ZNF541: variants seen among roughly 807,000 people sequenced by gnomAD.
The protein encoded by ZNF541 is zinc finger protein 541.
ZNF541 carries 23 observed loss-of-function variants against 123.5 expected under a neutral mutation model. The observed-to-expected ratio is 0.19, with a 90% CI of 0.13 to 0.26. ZNF541 has a LOEUF of 0.26. Ranked by LOEUF, ZNF541 falls within the 10% of genes least tolerant of loss-of-function variation. The probability of loss-of-function intolerance (pLI) is 1.00; values close to 1 mark genes in which losing one functional copy is unlikely to be tolerated. For synonymous variants in ZNF541, 751 were observed against 754.5 expected (o/e 1.00, Z 0.08); for missense variants, 1,612 against 1,789.9 (o/e 0.90, Z 1.79).
At chr19:47,530,193 G>T in intron 12 of ZNF541, among the ~76,000 whole-genome samples, 1 of 148,408 alleles carries the variant, frequency 6.7e-6, no homozygotes, top group African/African-American at 2.5e-5. Context: ...TTTTGAGACA[G>T]AGTCTTGCTC....
At chr19:47,535,610 G>C (rs973926251) in intron 9 of ZNF541, among the ~76,000 whole-genome samples, 1 of 152,140 alleles carries the variant, frequency 6.6e-6, no homozygotes, top group African/African-American at 2.4e-5. Context: ...CTACCCAAGA[G>C]AGCTGAGAAC....
chr19:47,549,116 A>G, intron 4 of ZNF541, 129 bp downstream of exon 4: 1 of 1,327,974 alleles, frequency 7.5e-7, no homozygotes, highest in Non-Finnish European at 1.0e-6. Flanking sequence ...AGCAGAGGTA[A>G]TACACGTCTG....
chr19:47,536,492 C>T (rs908042862), intron 9 of ZNF541, among the ~76,000 whole-genome samples: 1 of 152,228 alleles, frequency 6.6e-6, no homozygotes, highest in Non-Finnish European at 1.5e-5. Flanking sequence ...CCCGCCCCAG[C>T]CTCCCAAAGT....
chr19:47,567,151 A>G (rs1971298068), intron 2 of ZNF541, among the ~76,000 whole-genome samples: 1 of 152,188 alleles, frequency 6.6e-6, no homozygotes, highest in African/African-American at 2.4e-5. Flanking sequence ...TGTGCTACTA[A>G]GCCTGCACTG....
chr19:47,560,341 C>T (rs773836084), intron 2 of ZNF541, among the ~76,000 whole-genome samples: 1 of 151,726 alleles, frequency 6.6e-6, no homozygotes, highest in East Asian at 1.9e-4. Context: ...TTTGGGAGGC[C>T]GAGGCAGGTG....
At chr19:47,524,695 G>A (rs971865604) in intron 14 of ZNF541, among the ~76,000 whole-genome samples, 4 of 146,962 alleles carry the variant, frequency 2.7e-5, no homozygotes, top group African/African-American at 7.6e-5. Flanking sequence ...GTGACATAGC[G>A]AGACTCTGTC....
intron 14 of ZNF541, among the ~76,000 whole-genome samples, chr19:47,525,364 TTG>T (rs761608052): frequency 2.0e-5 from 3 of 151,188 alleles, no homozygotes; most frequent in Non-Finnish European, 2.9e-5. Context: ...AGCAGGTTTT[TTG>T]TTTTGTTTTG....
intron 2 of ZNF541, among the ~76,000 whole-genome samples, chr19:47,561,716 GT>G (rs142893590): frequency 8.1e-5 from 12 of 147,388 alleles, no homozygotes; most frequent in Non-Finnish European, 7.5e-5. Context: ...TTTCTGTTTT[GT>G]TTTTTTTTTA....
At chr19:47,534,180 G>C (rs1158076613) in intron 9 of ZNF541, among the ~76,000 whole-genome samples, 1 of 152,188 alleles carries the variant, frequency 6.6e-6, no homozygotes, top group Admixed American at 6.5e-5. Context: ...CAATAGGTTT[G>C]AGTTGACAGG....
chr19:47,557,995 G>A (rs1249016589), intron 2 of ZNF541, among the ~76,000 whole-genome samples: 1 of 151,958 alleles, frequency 6.6e-6, no homozygotes, highest in Non-Finnish European at 1.5e-5. Context: ...TGGGCAGGGG[G>A]AGTGGGGCAG....
chr19:47,528,982 G>A lies in ZNF541; in HGVS notation c.3538C>T (p.His1180Tyr). ...KRLFKKAFYA[H>Y]KKDFYLIHKM... is the part of the protein sequence containing the mutation. ...TGTATCAAGTAGAAGTCCTTCTTGT[G>A]GGCATAGAACGCCTTCTTAAAAAGC... is the stretch of plus-strand genomic sequence containing the variant. The change falls in exon 14 of 17, where the codon CAC (histidine) becomes TAC (tyrosine). Residue 1180 changes from histidine (H) to tyrosine (Y), a missense_variant. This residue lies in a region of ZNF541 where 285 missense variants were observed against 407.3 expected (regional missense o/e 0.70). Transcript: ENST00000391901. The A allele has an allele frequency of 6.4e-7, 1 of 1,551,558 alleles. No individual in the cohort carries two copies. The highest frequency in any genetic ancestry group is 8.7e-7 in the Non-Finnish European group (1 of 1,146,908).
chr19:47,566,746 AAAAT>A (rs761343019), intron 2 of ZNF541, among the ~76,000 whole-genome samples: 7 of 151,142 alleles, frequency 4.6e-5, no homozygotes, highest in African/African-American at 1.7e-4. Flanking sequence ...CTCCATCTCA[AAAAT>A]AAATAAATAA....
chr19:47,563,952 C>G (rs1971165384), intron 2 of ZNF541, among the ~76,000 whole-genome samples: 1 of 152,122 alleles, frequency 6.6e-6, no homozygotes, highest in Non-Finnish European at 1.5e-5. Context: ...GGTATCATAC[C>G]AAGTGCTTTA....
At chr19:47,542,296 CAA>C (rs2123099750) in intron 5 of ZNF541, among the ~76,000 whole-genome samples, 1 of 152,172 alleles carries the variant, frequency 6.6e-6, no homozygotes, top group Non-Finnish European at 1.5e-5. Flanking sequence ...ACTGTTCTGG[CAA>C]AGAGTGGGGA....
intron 5 of ZNF541, among the ~76,000 whole-genome samples, 169 bp downstream of exon 5, chr19:47,543,957 G>A (rs1225781243): frequency 6.6e-6 from 1 of 151,632 alleles, no homozygotes; most frequent in African/African-American, 2.4e-5. Context: ...CCTCATTCTG[G>A]TCTTTTTTTT....
chr19:47,549,561 C>T, intron 3 of ZNF541, 76 bp from the exon 4 acceptor site: 5 of 1,523,492 alleles, frequency 3.3e-6, no homozygotes, highest in Non-Finnish European at 4.4e-6. Context: ...GCACTCTACA[C>T]CTCTTAGAAC....
chr19:47,525,121 C>A (rs921467586), intron 14 of ZNF541, among the ~76,000 whole-genome samples: 13 of 151,892 alleles, frequency 8.6e-5, no homozygotes, highest in Non-Finnish European at 1.6e-4. Context: ...CCTGTCTCTA[C>A]TAAAAATACA....
At chr19:47,531,041 A>G (rs1009358411) in intron 12 of ZNF541, among the ~76,000 whole-genome samples, 1 of 152,182 alleles carries the variant, frequency 6.6e-6, no homozygotes, top group African/African-American at 2.4e-5. Context: ...ACAGGCAACC[A>G]GCAGGTACCC....
rs551629954 is a variant in ZNF541 at position 47,540,523 on chromosome 19, T to C, written c.2463-188A>G. Among the ~76,000 whole-genome samples, 311 of 151,246 alleles carry C rather than the reference T, an allele frequency of 2.1e-3. 1 individual carries two copies. Among genetic ancestry groups the C allele is most frequent in the African/African-American group, 6.9e-3 (284 of 41,226 alleles). On this transcript the variant is annotated intron_variant, in intron 6 of 16. Coordinates refer to ENST00000391901, the MANE Select transcript of ZNF541 (RefSeq NM_001277075.3). ...GGCACCATCTCGGCTCACTGTAACCTCCACCTCCTGGGTTCAAGTGATTTT... is the reference window on the plus strand; with the variant it reads ...GGCACCATCTCGGCTCACTGTAACCCCCACCTCCTGGGTTCAAGTGATTTT...
Sources: allele counts gnomAD v4.1 joint callset (sites outside exome capture counted in the v4.1 genomes callset), GRCh38; gene constraint gnomAD v4.1.1; regional missense constraint gnomAD v4.1.1; transcripts MANE v1.5; gene names NCBI Gene and HGNC (gene_info 2026-07-23, HGNC 2026-07-21).